The following CDH13 variants were observed in gnomAD, a reference collection of about 807,000 sequenced individuals.
The protein encoded by CDH13 is cadherin 13, also known as cadherin-13.
A neutral mutation model predicts 63.8 loss-of-function variants in CDH13; 24 were observed. The ratio of observed to expected loss-of-function variants is 0.38; its 90% CI spans 0.27 to 0.53. CDH13 has a LOEUF of 0.53. CDH13 is among the 20% of genes least tolerant of loss of function. CDH13 has a pLI of 0.85. For missense variants in CDH13, 1,049 were observed against 903.1 expected (o/e 1.16, Z -2.07); for synonymous variants, 503 against 355.3 (o/e 1.42, Z -4.67).
intron 2 of CDH13, among the ~76,000 whole-genome samples, chr16:82,942,571 T>A (rs1479748487): frequency 6.6e-6 from 1 of 152,216 alleles, no homozygotes; most frequent in Non-Finnish European, 1.5e-5. Flanking sequence ...GCGTCTGCAT[T>A]CTAGGGCATG....
chr16:83,036,982 C>G (rs973085956), intron 3 of CDH13, among the ~76,000 whole-genome samples: 2 of 152,150 alleles, frequency 1.3e-5, no homozygotes, highest in African/African-American at 4.8e-5. Context: ...GAGACAGCAT[C>G]TGAAGACCAG....
At chr16:83,044,263 G>C (rs566006026) in intron 3 of CDH13, among the ~76,000 whole-genome samples, 18 of 152,294 alleles carry the variant, frequency 1.2e-4, no homozygotes, top group African/African-American at 4.3e-4. Flanking sequence ...TGGGCCTTCT[G>C]ATTTTGTGGA....
At chr16:82,790,953 G>C (rs1030570805) in intron 1 of CDH13, among the ~76,000 whole-genome samples, 2 of 152,176 alleles carry the variant, frequency 1.3e-5, no homozygotes, top group African/African-American at 4.8e-5. Context: ...GAATTCCTAA[G>C]CCAGCTGTGC....
chr16:83,325,787 T>C (rs2090346431), intron 5 of CDH13, among the ~76,000 whole-genome samples: 1 of 152,152 alleles, frequency 6.6e-6, no homozygotes, highest in Non-Finnish European at 1.5e-5. Flanking sequence ...AAATTTTCCT[T>C]GACCTGCAAA....
intron 4 of CDH13, among the ~76,000 whole-genome samples, chr16:83,188,498 G>A (rs188300352): frequency 7.2e-5 from 11 of 152,202 alleles, no homozygotes; most frequent in East Asian, 1.9e-4. Context: ...AGCCAGCCTC[G>A]CTGCCCATCT....
chr16:83,411,031 G>A (rs1484725811), intron 6 of CDH13, among the ~76,000 whole-genome samples: 3 of 152,152 alleles, frequency 2.0e-5, no homozygotes, highest in Admixed American at 1.3e-4. Flanking sequence ...CCCATATCCA[G>A]TTGGTCACTT....
chr16:83,338,908 G>C (rs2090661252), intron 5 of CDH13, among the ~76,000 whole-genome samples: 1 of 152,204 alleles, frequency 6.6e-6, no homozygotes, highest in South Asian at 2.1e-4. Flanking sequence ...GGTATTTGCT[G>C]TTTTTCCTAA....
chr16:82,636,745 C>T (rs993580941), intron 1 of CDH13, among the ~76,000 whole-genome samples: 1 of 152,134 alleles, frequency 6.6e-6, no homozygotes, highest in Non-Finnish European at 1.5e-5. Context: ...AAAGAAACAC[C>T]CAAACCAGAA....
chr16:83,497,147 C>T (rs1293508190), intron 7 of CDH13, among the ~76,000 whole-genome samples: 1 of 152,086 alleles, frequency 6.6e-6, no homozygotes, highest in Non-Finnish European at 1.5e-5. Context: ...TTGACCCAGC[C>T]ATCCCATTAC....
intron 6 of CDH13, among the ~76,000 whole-genome samples, chr16:83,355,980 A>C (rs1423403151): frequency 6.6e-6 from 1 of 152,328 alleles, no homozygotes; most frequent in African/African-American, 2.4e-5. Flanking sequence ...ACAGACACTC[A>C]GGGAGGTTAG....
intron 4 of CDH13, among the ~76,000 whole-genome samples, chr16:83,173,028 C>G (rs552607989): frequency 6.6e-6 from 1 of 152,080 alleles, no homozygotes; most frequent in Non-Finnish European, 1.5e-5. Context: ...TGTTACTAGC[C>G]CTTGCTGGGA....
chr16:83,254,596 G>T (rs758757244), intron 5 of CDH13, among the ~76,000 whole-genome samples: 2 of 152,034 alleles, frequency 1.3e-5, no homozygotes, highest in African/African-American at 4.8e-5. Flanking sequence ...TCTGATCCTT[G>T]TTTTTATCTG....
At chr16:82,710,552 A>AATATAT (rs1555537840) in intron 1 of CDH13, among the ~76,000 whole-genome samples, 1,363 of 63,474 alleles carry the variant, frequency 0.021, 47 homozygotes, top group Middle Eastern at 0.037. Context: ...AAAAAAAAAA[A>AATATAT]ATATATATAT....
chr16:83,027,227 C>T (rs1471913364), intron 2 of CDH13, among the ~76,000 whole-genome samples: 1 of 150,760 alleles, frequency 6.6e-6, no homozygotes, highest in African/African-American at 2.4e-5. Flanking sequence ...ACATGCTGTT[C>T]ATTGCTGAAG....
intron 3 of CDH13, among the ~76,000 whole-genome samples, chr16:83,032,543 T>C (rs1430607426): frequency 2.0e-5 from 3 of 152,166 alleles, no homozygotes; most frequent in Admixed American, 2.0e-4. Flanking sequence ...TTAGATGTAT[T>C]GAGACAGTCA....
chr16:83,667,662 A>C (rs1914120272), intron 8 of CDH13, among the ~76,000 whole-genome samples: 1 of 152,090 alleles, frequency 6.6e-6, no homozygotes, highest in South Asian at 2.1e-4. Flanking sequence ...CACATCACAA[A>C]AATAATTTTT....
At chr16:82,774,414 A>C (rs1021214623) in intron 1 of CDH13, among the ~76,000 whole-genome samples, 1 of 152,104 alleles carries the variant, frequency 6.6e-6, no homozygotes, top group African/African-American at 2.4e-5. Context: ...TATTGTGAGA[A>C]ATAAGTGAGT....
rs61159679 is a variant in CDH13, at chr16:83,551,056, ATATC to A, written c.961-51360_961-51357del. ...GTTCCATGGCCCCCTTAAGTCATTTATATCTATCTATCTATCTATCTATCTATCT... is the reference window on the plus strand; with the variant it reads ...GTTCCATGGCCCCCTTAAGTCATTTATATCTATCTATCTATCTATCTATCT... On this transcript the variant is annotated intron_variant, in intron 7 of 13. Coordinates refer to ENST00000567109, the MANE Select transcript of CDH13 (RefSeq NM_001257.5). 2.1e-3 allele frequency among the ~76,000 whole-genome samples: 311 copies of A among 148,460 alleles called. 1 individual carries two copies. The highest frequency in any genetic ancestry group is 6.8e-3 in the Middle Eastern group (2 of 294).
intron 1 of CDH13, among the ~76,000 whole-genome samples, chr16:82,631,370 C>G (rs1474703982): frequency 6.6e-6 from 1 of 152,220 alleles, no homozygotes; most frequent in Admixed American, 6.5e-5. Context: ...CCTTACATAA[C>G]CACCCAGAAG....
Sources: gnomAD v4.1 joint callset for allele counts (sites outside exome capture counted in the v4.1 genomes callset) on GRCh38, gnomAD v4.1.1 for gene constraint, MANE v1.5 for transcripts, NCBI Gene and HGNC (gene_info 2026-07-23, HGNC 2026-07-21) for gene names.